COL19A1: variants seen among roughly 807,000 people sequenced by gnomAD.
COL19A1 encodes the protein collagen type XIX alpha 1 chain.
COL19A1 carries 159 observed loss-of-function variants against 190.2 expected under a neutral mutation model. The ratio of observed to expected loss-of-function variants is 0.84; its 90% confidence interval spans 0.73 to 0.95. The LOEUF (loss-of-function observed/expected upper bound fraction) is 0.95, where lower values mean the gene tolerates loss of function less well. Among genes scored for constraint, COL19A1 ranks in the 40% least tolerant of loss-of-function variants. The pLI is 0.00. For missense variants in COL19A1, 1,418 were observed against 1,431.9 expected, an observed-to-expected ratio of 0.99 and a Z score of 0.16; for synonymous variants, 509 against 458.9, an observed-to-expected ratio of 1.11 and a Z score of -1.39.
chr6:69,965,455 C>T (rs952131849), intron 11 of COL19A1, among the ~76,000 whole-genome samples: 23 of 152,336 alleles, frequency 1.5e-4, no homozygotes, highest in Admixed American at 1.4e-3. Flanking sequence ...TTCAGGCCAA[C>T]CGAACTCACT....
At chr6:69,921,231 T>A (rs1024681414) in intron 4 of COL19A1, among the ~76,000 whole-genome samples, 9 of 132,298 alleles carry the variant, frequency 6.8e-5, no homozygotes, top group Non-Finnish European at 1.1e-4. Context: ...TCCATATGTA[T>A]TATATATCCA....
chr6:69,970,928 T>C (rs146062254), intron 11 of COL19A1, among the ~76,000 whole-genome samples: 329 of 152,316 alleles, frequency 2.2e-3, no homozygotes, highest in African/African-American at 7.7e-3. Context: ...ATGCCAACTT[T>C]CAATTATCCA....
chr6:70,045,104 G>C (rs866701777), intron 14 of COL19A1, among the ~76,000 whole-genome samples: 4 of 151,940 alleles, frequency 2.6e-5, no homozygotes, highest in Middle Eastern at 3.4e-3. Context: ...CCTGAGGTTG[G>C]GAGTTTGAGA....
rs547744157 is a variant in COL19A1 at position 69,928,094 on chromosome 6, T to C, written c.390+62T>C. 4.1e-5 allele frequency: 65 copies of C among 1,581,740 alleles called. No homozygotes were observed. The East Asian group carries it at 1.5e-3, about 35-fold the overall frequency. ...TTGTGTAATTAAGCCAGGTGAATTA[T>C]TTGAACTGGTGCACAAATTTGCGAG... On this transcript the variant is annotated intron_variant, in intron 5 of 50. Transcript: ENST00000620364.
At chr6:70,082,564 C>T (rs1782321297) in intron 15 of COL19A1, among the ~76,000 whole-genome samples, 1 of 152,082 alleles carries the variant, frequency 6.6e-6, no homozygotes, top group African/African-American at 2.4e-5. Context: ...AGGTGTGTGC[C>T]ACCACACCTG....
intron 14 of COL19A1, among the ~76,000 whole-genome samples, chr6:70,041,682 C>G (rs1389001181): frequency 6.6e-6 from 1 of 152,088 alleles, no homozygotes; most frequent in African/African-American, 2.4e-5. Context: ...CTATTAAATT[C>G]TGCAAGCATT....
intron 14 of COL19A1, among the ~76,000 whole-genome samples, chr6:70,059,107 T>C (rs1780673754): frequency 6.6e-6 from 1 of 152,086 alleles, no homozygotes. Flanking sequence ...AATCCCCTAG[T>C]AGTAGTTTAG....
chr6:70,060,903 C>A (rs13195745), intron 14 of COL19A1, among the ~76,000 whole-genome samples: 18,769 of 152,066 alleles, frequency 0.12, 1,536 homozygotes, highest in African/African-American at 0.22. Context: ...GGGACCGATG[C>A]TCTAGAGCTC....
At chr6:70,109,541 A>AGTGTGTATGTGT (rs1344993050) in intron 16 of COL19A1, among the ~76,000 whole-genome samples, 1 of 143,892 alleles carries the variant, frequency 6.9e-6, no homozygotes, top group African/African-American at 2.6e-5. Context: ...CCGTTTTGTA[A>AGTGTGTATGTGT]GTGTGTGTGT....
chr6:70,020,863 A>G (rs758011656), intron 11 of COL19A1, among the ~76,000 whole-genome samples: 25 of 152,160 alleles, frequency 1.6e-4, no homozygotes, highest in Non-Finnish European at 3.4e-4. Flanking sequence ...ATCAATAGAT[A>G]AATGTATAGA....
At chr6:69,991,443 G>A (rs1776616950) in intron 11 of COL19A1, among the ~76,000 whole-genome samples, 1 of 151,896 alleles carries the variant, frequency 6.6e-6, no homozygotes, top group Non-Finnish European at 1.5e-5. Context: ...GGTAGTTTGT[G>A]TTCTCTGAGA....
intron 34 of COL19A1, among the ~76,000 whole-genome samples, chr6:70,157,427 A>T (rs3793059): frequency 0.35 from 53,877 of 152,034 alleles, 9,898 homozygotes; most frequent in Middle Eastern, 0.5. Context: ...TGTTAGTTTA[A>T]ACAGTTTTGA....
intron 12 of COL19A1, among the ~76,000 whole-genome samples, chr6:70,028,306 T>A (rs2150110385): frequency 6.6e-6 from 1 of 152,170 alleles, no homozygotes; most frequent in Middle Eastern, 3.4e-3. Context: ...TTTTTTGAAT[T>A]GAATGGGACC....
chr6:70,131,682 AAAAG>A (rs1313453920), intron 18 of COL19A1, among the ~76,000 whole-genome samples: 4 of 152,204 alleles, frequency 2.6e-5, no homozygotes, highest in African/African-American at 9.6e-5. Flanking sequence ...AAAAAAAAGG[AAAAG>A]AAAGCCACAA....
At chr6:70,003,108 G>A (rs1338752686) in intron 11 of COL19A1, among the ~76,000 whole-genome samples, 1 of 151,696 alleles carries the variant, frequency 6.6e-6, no homozygotes, top group Non-Finnish European at 1.5e-5. Context: ...TGGTTTCAAA[G>A]AACTTGATTT....
intron 12 of COL19A1, among the ~76,000 whole-genome samples, chr6:70,033,858 AT>A (rs1290226507): frequency 1.3e-5 from 2 of 152,042 alleles, no homozygotes; most frequent in South Asian, 2.1e-4. Flanking sequence ...TTACTCTTGA[AT>A]TTTTTTGGCA....
chr6:69,889,096 A>G (rs1196292330), intron 2 of COL19A1, among the ~76,000 whole-genome samples: 3 of 152,184 alleles, frequency 2.0e-5, no homozygotes, highest in African/African-American at 4.8e-5. Context: ...TTCTGTATCT[A>G]TGGTATATTG....
intron 14 of COL19A1, among the ~76,000 whole-genome samples, chr6:70,046,511 T>C (rs758964985): frequency 6.6e-6 from 1 of 152,202 alleles, no homozygotes; most frequent in African/African-American, 2.4e-5. Flanking sequence ...CAGAAAATTA[T>C]CCAATATTCA....
At chr6:70,095,095 G>A (rs9454968) in intron 15 of COL19A1, among the ~76,000 whole-genome samples, 61,181 of 151,888 alleles carry the variant, frequency 0.4, 13,108 homozygotes, top group South Asian at 0.54. Flanking sequence ...TGGGTAACCC[G>A]TTATAACTTC....
Sources: gnomAD v4.1 joint callset for allele counts (sites outside exome capture counted in the v4.1 genomes callset) on GRCh38, gnomAD v4.1.1 for gene constraint, MANE v1.5 for transcripts, NCBI Gene and HGNC (gene_info 2026-07-23, HGNC 2026-07-21) for gene names.